Variants in PPP5C observed in about 807,000 individuals in gnomAD.
PPP5C encodes protein phosphatase 5 catalytic subunit.
Under a neutral mutation model 66.7 loss-of-function variants are expected in PPP5C, and 21 were observed. The ratio of observed to expected loss-of-function variants is 0.31; its 90% CI spans 0.22 to 0.45. The LOEUF (loss-of-function observed/expected upper bound fraction) is 0.45, where lower values mean the gene tolerates loss of function less well. Ranked by LOEUF, PPP5C falls within the 20% of genes least tolerant of loss-of-function variation. The pLI is 1.00. For missense variants in PPP5C, 464 were observed against 675.9 expected, an observed-to-expected ratio of 0.69 and a Z score of 3.48; for synonymous variants, 246 against 257.4, an observed-to-expected ratio of 0.96 and a Z score of 0.43.
At chr19:46,370,110 T>C (rs556446345) in intron 2 of PPP5C, among the ~76,000 whole-genome samples, 1 of 152,210 alleles carries the variant, frequency 6.6e-6, no homozygotes, top group East Asian at 1.9e-4. Context: ...TTATATTAAA[T>C]TTATTTTTAA....
At chr19:46,350,340 T>G (rs1601408405) in intron 1 of PPP5C, among the ~76,000 whole-genome samples, 1 of 151,936 alleles carries the variant, frequency 6.6e-6, no homozygotes, top group Non-Finnish European at 1.5e-5. Context: ...GGTGATGGGG[T>G]GGAAGGTGGA....
intron 2 of PPP5C, among the ~76,000 whole-genome samples, chr19:46,361,190 T>C (rs1457792172): frequency 7.0e-6 from 1 of 143,014 alleles, no homozygotes; most frequent in Admixed American, 7.3e-5. Context: ...AGTGCAGTGG[T>C]GCAATCTCCA....
At chr19:46,372,373 TG>T (rs1169376181) in intron 2 of PPP5C, among the ~76,000 whole-genome samples, 7 of 150,158 alleles carry the variant, frequency 4.7e-5, no homozygotes, top group East Asian at 2.0e-4. Context: ...GCTAGCTTTT[TG>T]TTGTTGTTGT....
At chr19:46,373,946 G>A (rs977316021) in intron 2 of PPP5C, among the ~76,000 whole-genome samples, 1 of 152,202 alleles carries the variant, frequency 6.6e-6, no homozygotes, top group African/African-American at 2.4e-5. Flanking sequence ...AGCATGCCGG[G>A]GACATGAGTG....
Position 46,365,543 on chromosome 19 carries a change from T to C in PPP5C, c.364-10061T>C, listed in dbSNP as rs747450803. On this transcript the variant is annotated intron_variant, in intron 2 of 12. Transcript: ENST00000012443. ...CAGTGAATCGTGAGGCATGTTCTTATGTGTCTTGGAATCTCTTATCACCTT... is the reference window on the plus strand; with the variant it reads ...CAGTGAATCGTGAGGCATGTTCTTACGTGTCTTGGAATCTCTTATCACCTT... Among the ~76,000 whole-genome samples, 64 of 152,250 alleles carry C rather than the reference T, an allele frequency of 4.2e-4. 1 individual carries two copies. Among genetic ancestry groups the C allele is most frequent in the Non-Finnish European group, 8.1e-4 (55 of 68,044 alleles).
chr19:46,390,888 CG>C lies in PPP5C; in HGVS notation c.*545del, dbSNP rs1973010961. The C allele has an allele frequency of 8.7e-7, 1 of 1,149,458 alleles. No individual in the cohort carries two copies. Among genetic ancestry groups the C allele is most frequent in the Admixed American group, 3.8e-5 (1 of 26,094 alleles). 71.2% of individuals were successfully genotyped at this position (1,149,458 alleles called of 1,614,324 possible). ...GGATGGTGGAGCCGAAGGAGCTGCC[CG>C]GGTTGGGTTACGCCTGCTCAGGAGA... On this transcript the variant is annotated 3_prime_UTR_variant, in exon 13 of 13. Coordinates refer to ENST00000012443, the MANE Select transcript of PPP5C (RefSeq NM_006247.4).
At position 46,390,582 on chromosome 19, in the gene PPP5C, G is replaced by T; in HGVS notation, c.*236G>T. ...GGAGGTGGAGCAGCTGGGGCTGGGG[G>T]CACAGCCTGGGCATTCTGTGGGGAG... is the stretch of plus-strand genomic sequence containing the variant. On this transcript the variant is annotated 3_prime_UTR_variant, in exon 13 of 13. Coordinates refer to ENST00000012443, the MANE Select transcript of PPP5C (RefSeq NM_006247.4). 1 of 1,391,056 alleles carries T rather than the reference G, an allele frequency of 7.2e-7. No individual in the cohort carries two copies. The allele number at this position is 1,391,056 out of a possible 1,614,324, so 86.2% of individuals were successfully genotyped here.
Position 46,388,453 on chromosome 19 carries a change from GTC to G in PPP5C, c.1176+7_1176+8del, listed in dbSNP as rs770593177. On this transcript the variant is annotated splice_donor_region_variant and intron_variant, in intron 10 of 12. Coordinates refer to ENST00000012443, the MANE Select transcript of PPP5C (RefSeq NM_006247.4). The surrounding 1 kb of genome is among the most constrained non-coding windows in gnomAD (Gnocchi z 4.9). ...TGGTCAGATCCACAGCCACAGGTGA[GTC>G]TAGGGTGGGGTGCAGGGCCGGCGGG... is the stretch of plus-strand genomic sequence containing the variant. 6.2e-7 allele frequency: 1 copy of G among 1,612,608 alleles called. No individual in the cohort carries two copies. Among genetic ancestry groups the G allele is most frequent in the Admixed American group, 1.7e-5 (1 of 59,956 alleles).
Position 46,383,475 on chromosome 19 carries a change from AG to A in PPP5C, c.699+1del, listed in dbSNP as rs779709798. On this transcript the variant is annotated frameshift_variant and splice_region_variant, in exon 5 of 13. Transcript: ENST00000012443. LOFTEE classifies it high-confidence loss of function. The surrounding 1 kb of genome is among the most constrained non-coding windows in gnomAD (Gnocchi z 5.0). ...LSTLVETTLK[E>X]TEKITVCGDT... Reference sequence around the variant, plus strand: ...ACGCTCGTGGAAACCACACTCAAAGAGGTGCGCGTTGTGGGGCAGTGCGGGG... The same window carrying A: ...ACGCTCGTGGAAACCACACTCAAAGAGTGCGCGTTGTGGGGCAGTGCGGGG... 6.3e-7 allele frequency: 1 copy of A among 1,584,236 alleles called. No individual in the cohort carries two copies. Among genetic ancestry groups the A allele is most frequent in the Non-Finnish European group, 8.6e-7 (1 of 1,161,016 alleles).
At chr19:46,374,069 A>AG (rs1326750638) in intron 2 of PPP5C, among the ~76,000 whole-genome samples, 1 of 152,126 alleles carries the variant, frequency 6.6e-6, no homozygotes, top group Non-Finnish European at 1.5e-5. Context: ...GAAGGATGCC[A>AG]GGGGCTGCCT....
chr19:46,363,307 C>CAAAAA lies in PPP5C; in HGVS notation c.363+9354_363+9358dup, dbSNP rs1158423038. ...TGGGCGACAGAGCGAGACTCCATCTCAAAAAAAAAAAAAAAAAAAAAAAAA... is the reference window on the plus strand; with the variant it reads ...TGGGCGACAGAGCGAGACTCCATCTCAAAAAAAAAAAAAAAAAAAAAAAAAAAAAA... On this transcript the variant is annotated intron_variant, in intron 2 of 12. Coordinates refer to ENST00000012443, the MANE Select transcript of PPP5C (RefSeq NM_006247.4). Among the ~76,000 whole-genome samples, 21 of 27,940 alleles carry CAAAAA rather than the reference C, an allele frequency of 7.5e-4. 5 individuals carry two copies. Among genetic ancestry groups the CAAAAA allele is most frequent in the African/African-American group, 9.2e-4 (5 of 5,456 alleles). 18.3% of individuals were successfully genotyped at this position (27,940 alleles called of 152,430 possible).
chr19:46,357,174 A>G (rs796356394), intron 2 of PPP5C, among the ~76,000 whole-genome samples: 15 of 152,294 alleles, frequency 9.8e-5, no homozygotes, highest in African/African-American at 3.4e-4. Context: ...CAGCCTCCCA[A>G]GTAGCTGGGA....
chr19:46,351,625 G>A (rs1349792394), intron 1 of PPP5C, among the ~76,000 whole-genome samples: 2 of 152,336 alleles, frequency 1.3e-5, no homozygotes, highest in African/African-American at 2.4e-5. Flanking sequence ...CATCAGGAGC[G>A]CGGGCCAGGC....
In PPP5C at chr19:46,383,990, A is replaced by C; in HGVS notation, c.798+112A>C. 2.1e-6 allele frequency: 2 copies of C among 933,324 alleles called. No homozygotes were observed. Among genetic ancestry groups the C allele is most frequent in the Non-Finnish European group, 1.7e-6 (1 of 597,678 alleles). 57.8% of individuals were successfully genotyped at this position (933,324 alleles called of 1,614,324 possible). A position where few individuals can be genotyped will look rare whatever the true frequency, so the allele number is the denominator to read the frequency against. On this transcript the variant is annotated intron_variant, in intron 6 of 12. Transcript: ENST00000012443. The surrounding 1 kb of genome is among the most constrained non-coding windows in gnomAD (Gnocchi z 5.0). ...AGGAAAAGACGTGACCTTGGAAAGG[A>C]GAGGCCTGGCCATGCTGGGGCACCA... is the stretch of plus-strand genomic sequence containing the variant.
At chr19:46,387,901 A>C in intron 9 of PPP5C, 1 of 369,038 alleles carries the variant, frequency 2.7e-6, no homozygotes, top group Non-Finnish European at 4.8e-6. Context: ...TTGAGCTGAC[A>C]CTGCGGGAAG....
chr19:46,371,090 T>C (rs1483606715), intron 2 of PPP5C, among the ~76,000 whole-genome samples: 2 of 112,436 alleles, frequency 1.8e-5, no homozygotes, highest in Non-Finnish European at 3.8e-5. Context: ...GAACCCTGAC[T>C]CTCATGATGG....
chr19:46,365,353 A>G (rs1254372043), intron 2 of PPP5C, among the ~76,000 whole-genome samples: 2 of 152,156 alleles, frequency 1.3e-5, no homozygotes, highest in Non-Finnish European at 2.9e-5. Flanking sequence ...CCTGACCTCA[A>G]GTGATCCACC....
At chr19:46,389,398 CA>C (rs2060671508) in intron 11 of PPP5C, among the ~76,000 whole-genome samples, 1 of 19,088 alleles carries the variant, frequency 5.2e-5, no homozygotes, top group Non-Finnish European at 1.4e-4. Context: ...CACACACACA[CA>C]CACACACACA....
At chr19:46,350,869 TGAG>T (rs1175992990) in intron 1 of PPP5C, among the ~76,000 whole-genome samples, 3 of 152,088 alleles carry the variant, frequency 2.0e-5, no homozygotes, top group African/African-American at 7.2e-5. Context: ...CTGGCCCTGT[TGAG>T]GAGAAGAGGG....
Sources: gnomAD v4.1 joint callset for allele counts (sites outside exome capture counted in the v4.1 genomes callset) on GRCh38, gnomAD v4.1.1 for gene constraint, Gnocchi (gnomAD v3.1) non-coding constraint, MANE v1.5 for transcripts, NCBI Gene and HGNC (gene_info 2026-07-23, HGNC 2026-07-21) for gene names.